The following LYPD6 variants were observed in gnomAD, a reference collection of about 807,000 sequenced individuals.
The protein encoded by LYPD6 is ly6/PLAUR domain-containing protein 6.
Under a neutral mutation model 22.7 loss-of-function variants are expected in LYPD6, and 15 were observed. The observed-to-expected ratio is 0.66, with a 90% CI of 0.44 to 1.02. The LOEUF is 1.02. Ranked by LOEUF, LYPD6 falls within the 50% of genes least tolerant of loss-of-function variation. LYPD6 has a pLI of 0.00. For synonymous variants in LYPD6, 72 were observed against 77.5 expected (o/e 0.93, Z 0.37); for missense variants, 189 against 208.4 (o/e 0.91, Z 0.57).
At chr2:149,357,854 C>T (rs569252915) in intron 1 of LYPD6, among the ~76,000 whole-genome samples, 44 of 147,248 alleles carry the variant, frequency 3.0e-4, no homozygotes, top group Admixed American at 1.0e-3. Flanking sequence ...GGCACAATTT[C>T]GGCTCATTTC....
chr2:149,463,202 A>G (rs913784518), intron 3 of LYPD6, among the ~76,000 whole-genome samples: 4 of 152,152 alleles, frequency 2.6e-5, no homozygotes, highest in Non-Finnish European at 5.9e-5. Context: ...AGTAAACAAA[A>G]TACATCATTA....
intron 3 of LYPD6, among the ~76,000 whole-genome samples, chr2:149,457,417 G>A (rs1338180958): frequency 6.6e-6 from 1 of 152,170 alleles, no homozygotes; most frequent in Non-Finnish European, 1.5e-5. Flanking sequence ...CTGCTATTGT[G>A]TGCAATGCCC....
intron 1 of LYPD6, among the ~76,000 whole-genome samples, chr2:149,436,584 G>GT (rs930328105): frequency 3.6e-4 from 54 of 149,716 alleles, no homozygotes; most frequent in African/African-American, 4.9e-4. Context: ...TATCAGTTTG[G>GT]TTTTTTTTTT....
At chr2:149,465,400 G>C (rs2105179057) in intron 3 of LYPD6, among the ~76,000 whole-genome samples, 1 of 152,268 alleles carries the variant, frequency 6.6e-6, no homozygotes, top group Middle Eastern at 3.4e-3. Context: ...GAGAGAGCAG[G>C]CAGCTGCGAC....
At chr2:149,477,085 A>G (rs546066343), downstream of LYPD6, among the ~76,000 whole-genome samples, 1 of 152,328 alleles carries the variant, frequency 6.6e-6, no homozygotes, top group African/African-American at 2.4e-5. Flanking sequence ...CAGTCCTGGC[A>G]CATGTCAGCA....
At chr2:149,445,372 C>A (rs1469862445) in intron 2 of LYPD6, among the ~76,000 whole-genome samples, 1 of 152,198 alleles carries the variant, frequency 6.6e-6, no homozygotes, top group Non-Finnish European at 1.5e-5. Flanking sequence ...GTATTAGCAC[C>A]TAACAAAAGA....
At chr2:149,346,873 G>A (rs1681266003) in intron 1 of LYPD6, among the ~76,000 whole-genome samples, 2 of 152,134 alleles carry the variant, frequency 1.3e-5, no homozygotes, top group Non-Finnish European at 2.9e-5. Context: ...GCTAATTTTT[G>A]TATTTTTAGT....
chr2:149,406,821 C>G (rs892641902), intron 1 of LYPD6, among the ~76,000 whole-genome samples: 2 of 152,178 alleles, frequency 1.3e-5, no homozygotes, highest in African/African-American at 2.4e-5. Context: ...CAGTTTCTTC[C>G]TAGCCTCAAT....
chr2:149,400,078 T>C (rs546930892), intron 1 of LYPD6, among the ~76,000 whole-genome samples: 1 of 152,316 alleles, frequency 6.6e-6, no homozygotes, highest in African/African-American at 2.4e-5. Flanking sequence ...CCCAGCACAC[T>C]GCAGCTGGAG....
chr2:149,449,330 C>T (rs1683759048), intron 3 of LYPD6, among the ~76,000 whole-genome samples, 183 bp downstream of exon 3: 1 of 152,164 alleles, frequency 6.6e-6, no homozygotes, highest in African/African-American at 2.4e-5. Context: ...ATAAACTGAG[C>T]CATAGGATTG....
At chr2:149,459,901 C>CA (rs35923768) in intron 3 of LYPD6, among the ~76,000 whole-genome samples, 17,822 of 137,374 alleles carry the variant, frequency 0.13, 1,075 homozygotes, top group African/African-American at 0.17. Flanking sequence ...GACTTTGTCT[C>CA]AAAAAAAAAA....
chr2:149,469,540 T>C (rs545725180), intron 4 of LYPD6, among the ~76,000 whole-genome samples: 1 of 152,314 alleles, frequency 6.6e-6, no homozygotes, highest in South Asian at 2.1e-4. Context: ...ATGTCCATTC[T>C]CAATACCTGG....
chr2:149,448,152 G>A (rs990383647), intron 2 of LYPD6, among the ~76,000 whole-genome samples: 10 of 152,316 alleles, frequency 6.6e-5, no homozygotes, highest in Non-Finnish European at 5.9e-5. Flanking sequence ...AATTAGCCGG[G>A]TATAGTGGCA....
intron 1 of LYPD6, among the ~76,000 whole-genome samples, chr2:149,361,874 G>C (rs1253641619): frequency 1.3e-5 from 2 of 152,118 alleles, no homozygotes; most frequent in Non-Finnish European, 2.9e-5. Context: ...TATCATGGTG[G>C]AGAAAGGCAG....
At chr2:149,464,823 A>C (rs1466634943) in intron 3 of LYPD6, among the ~76,000 whole-genome samples, 1 of 152,200 alleles carries the variant, frequency 6.6e-6, no homozygotes, top group Non-Finnish European at 1.5e-5. Context: ...AGACTCCCAG[A>C]TTAGGGAGAA....
intron 1 of LYPD6, among the ~76,000 whole-genome samples, chr2:149,352,704 G>A (rs1681381157): frequency 6.6e-6 from 1 of 152,214 alleles, no homozygotes; most frequent in South Asian, 2.1e-4. Flanking sequence ...GTAAAAGTGT[G>A]TAATTGGGAC....
chr2:149,341,932 A>G (rs1573728683), intron 1 of LYPD6, among the ~76,000 whole-genome samples: 1 of 152,214 alleles, frequency 6.6e-6, no homozygotes, highest in Non-Finnish European at 1.5e-5. Flanking sequence ...CAGGGAAACC[A>G]TAGCAGATTG....
Position 149,335,718 on chromosome 2 carries a change from C to A in LYPD6, c.-72+4996C>A, listed in dbSNP as rs113050810. Among the ~76,000 whole-genome samples the A allele has an allele frequency of 4.8e-3, 724 of 152,286 alleles. 6 individuals carry two copies. The highest frequency in any genetic ancestry group is 0.016 in the African/African-American group (674 of 41,544). The stretch of plus-strand genomic sequence containing the variant: ...AGTCCTGCAAGCTCCATTCATGGTA[C>A]GTGCCCTATATAGGTGTATCTTTTT... On this transcript the variant is annotated intron_variant, in intron 1 of 4. Coordinates refer to ENST00000334166, the MANE Select transcript of LYPD6 (RefSeq NM_194317.5).
intron 3 of LYPD6, among the ~76,000 whole-genome samples, chr2:149,454,608 A>G (rs1214267967): frequency 2.6e-5 from 4 of 152,038 alleles, no homozygotes; most frequent in African/African-American, 4.8e-5. Context: ...CTTTCTCAGA[A>G]GTGGGATTGC....
Sources: gnomAD v4.1 joint callset for allele counts (sites outside exome capture counted in the v4.1 genomes callset) on GRCh38, gnomAD v4.1.1 for gene constraint, MANE v1.5 for transcripts, NCBI Gene and HGNC (gene_info 2026-07-23, HGNC 2026-07-21) for gene names.